The following ALDH1L1 variants were observed in gnomAD, a reference collection of about 807,000 sequenced individuals.
ALDH1L1 encodes the protein cytosolic 10-formyltetrahydrofolate dehydrogenase.
In ALDH1L1, 68 loss-of-function variants were observed where a neutral mutation model predicts 101.1. That is an observed-to-expected ratio of 0.67 (90% CI 0.55 to 0.82). The LOEUF is 0.82. ALDH1L1 is among the 40% of genes least tolerant of loss of function. The probability of loss-of-function intolerance (pLI) is 0.00; values close to 1 mark genes in which losing one functional copy is unlikely to be tolerated. For missense variants in ALDH1L1, 1,087 were observed against 1,172.7 expected (o/e 0.93, Z 1.07); for synonymous variants, 486 against 470.8 (o/e 1.03, Z -0.42).
Position 126,131,442 on chromosome 3 carries a change from T to A in ALDH1L1, c.1565A>T (p.His522Leu). 1 of 1,613,372 alleles carries A rather than the reference T, an allele frequency of 6.2e-7. No individual in the cohort carries two copies. Among genetic ancestry groups the A allele is most frequent in the Non-Finnish European group, 8.5e-7 (1 of 1,179,378 alleles). The change falls in exon 13 of 23, where the codon CAC becomes CTC. Residue 522 changes from histidine to leucine, a missense_variant. His to Leu is a moderately conservative substitution (Grantham distance 99). This residue lies in a region of ALDH1L1 where 442 missense variants were observed against 535.7 expected (regional missense o/e 0.83). Coordinates refer to ENST00000393434, the MANE Select transcript of ALDH1L1 (RefSeq NM_012190.4). ...GAAGGTCTGGATGGACATGCCCACG[T>A]GGGTCTTCAGGGCCAGCGTGTAGAC... ...GAVYTLALKT[H>L]VGMSIQTFRY...
intron 22 of ALDH1L1, chr3:126,105,272 C>A: frequency 3.7e-6 from 1 of 272,004 alleles, no homozygotes; most frequent in Admixed American, 4.6e-5. Flanking sequence ...CCCTACCTGC[C>A]TCTCAGGCCT....
intron 1 of ALDH1L1, among the ~76,000 whole-genome samples, chr3:126,163,198 T>C (rs1342263508): frequency 6.6e-6 from 1 of 152,220 alleles, no homozygotes; most frequent in Non-Finnish European, 1.5e-5. Context: ...ATACCTTCTT[T>C]GGAGCAATGT....
At chr3:126,136,115 TC>T (rs1361144560) in intron 11 of ALDH1L1, among the ~76,000 whole-genome samples, 1 of 152,190 alleles carries the variant, frequency 6.6e-6, no homozygotes, top group Non-Finnish European at 1.5e-5. Flanking sequence ...CCTGTCTGTG[TC>T]CCTACCCCCT....
At chr3:126,125,242 C>T (rs1222195409) in intron 15 of ALDH1L1, among the ~76,000 whole-genome samples, 1 of 152,202 alleles carries the variant, frequency 6.6e-6, no homozygotes, top group Non-Finnish European at 1.5e-5. Flanking sequence ...GTCTCGGAAG[C>T]CACATAAGGG....
chr3:126,155,229 C>T (rs1405197547), intron 5 of ALDH1L1, among the ~76,000 whole-genome samples, 173 bp downstream of exon 5: 1 of 152,184 alleles, frequency 6.6e-6, no homozygotes, highest in South Asian at 2.1e-4. Context: ...GTGCCAGGGT[C>T]CTCCTCCTCC....
chr3:126,182,564 C>T (rs2081486287), upstream of ALDH1L1, among the ~76,000 whole-genome samples: 1 of 152,162 alleles, frequency 6.6e-6, no homozygotes, highest in South Asian at 2.1e-4. Flanking sequence ...TGAATGCATG[C>T]CCTGTGTGTG....
intron 8 of ALDH1L1, among the ~76,000 whole-genome samples, chr3:126,150,199 A>G (rs888191620): frequency 1.3e-5 from 2 of 152,260 alleles, no homozygotes; most frequent in African/African-American, 4.8e-5. Flanking sequence ...TGAACTGGCC[A>G]GATCCCAGGG....
rs1208370541 is a variant in ALDH1L1 at position 126,151,449 on chromosome 3, T to C, written c.859-918A>G. On this transcript the variant is annotated intron_variant, in intron 7 of 22. Transcript: ENST00000393434. ...TGCCAGACATGAACTGCCCCCATTG[T>C]AGCTCATGACTCTGGGCTACTCTAG... The C allele has an allele frequency of 2.0e-5, 3 of 152,240 alleles. No individual in the cohort carries two copies. In the East Asian group the frequency reaches 5.8e-4, roughly 29 times the overall value. The allele number at this position is 152,240 out of a possible 1,614,324, so 9.4% of individuals were successfully genotyped here. A position where few individuals can be genotyped will look rare whatever the true frequency, so the allele number is the denominator to read the frequency against.
intron 15 of ALDH1L1, 95 bp downstream of exon 15, chr3:126,125,521 T>C (rs2080163679): frequency 5.0e-6 from 5 of 992,482 alleles, no homozygotes; most frequent in African/African-American, 1.7e-5. Context: ...AGTGCCCGTG[T>C]GGCCAAGAGA....
intron 10 of ALDH1L1, 111 bp downstream of exon 10, chr3:126,137,702 T>C: frequency 6.9e-7 from 1 of 1,451,392 alleles, no homozygotes; most frequent in Non-Finnish European, 9.2e-7. Flanking sequence ...GGTGGGCTCC[T>C]GGGGCCCTGG....
intron 1 of ALDH1L1, 39 bp downstream of exon 1, chr3:126,180,437 C>T (rs1403291628): frequency 7.1e-6 from 7 of 988,212 alleles, no homozygotes; most frequent in Non-Finnish European, 8.4e-6. Flanking sequence ...GCCTCCTTTC[C>T]GCCGGGAGTC....
intron 1 of ALDH1L1, among the ~76,000 whole-genome samples, chr3:126,174,599 T>A (rs555220018): frequency 6.6e-6 from 1 of 152,052 alleles, no homozygotes; most frequent in African/African-American, 2.4e-5. Flanking sequence ...CAGAAAGATA[T>A]CTGAAAAACA....
chr3:126,163,752 C>T (rs1298117560), intron 1 of ALDH1L1, among the ~76,000 whole-genome samples: 2 of 152,164 alleles, frequency 1.3e-5, no homozygotes, highest in African/African-American at 4.8e-5. Flanking sequence ...GGAATGAATA[C>T]CACTTGACCA....
rs1459644229 is a variant in ALDH1L1 at position 126,110,328 on chromosome 3, CCAG to C, written c.2182-222_2182-220del. On this transcript the variant is annotated intron_variant, in intron 19 of 22. Transcript: ENST00000393434. ...CAGAAGTCTCCAAGGAGACAGGAGC[CCAG>C]CAACATATGGGCTGGAAATGGAGAC... The C allele has an allele frequency of 6.6e-6, 4 of 601,602 alleles. No individual in the cohort carries two copies. In the African/African-American group the frequency reaches 7.4e-5, roughly 11 times the overall value. The allele number at this position is 601,602 out of a possible 1,614,324, so 37.3% of individuals were successfully genotyped here.
intron 17 of ALDH1L1, among the ~76,000 whole-genome samples, chr3:126,115,662 C>A (rs953650000): frequency 3.3e-5 from 5 of 152,098 alleles, no homozygotes; most frequent in African/African-American, 1.2e-4. Context: ...GCAACCTCCA[C>A]CTCCCGGGTT....
chr3:126,139,083 G>A (rs1180788860), intron 9 of ALDH1L1, among the ~76,000 whole-genome samples: 1 of 152,214 alleles, frequency 6.6e-6, no homozygotes, highest in Non-Finnish European at 1.5e-5. Flanking sequence ...AGCCAGGGTG[G>A]GCAATAAGGA....
At chr3:126,154,765 C>T (rs2080872459) in intron 5 of ALDH1L1, 122 bp from the exon 6 acceptor site, 3 of 818,606 alleles carry the variant, frequency 3.7e-6, no homozygotes, top group Non-Finnish European at 6.0e-6. Flanking sequence ...TCCTCTTAGA[C>T]ACTTGCAGGA....
At chr3:126,161,561 G>A (rs1176073728) in intron 1 of ALDH1L1, among the ~76,000 whole-genome samples, 1 of 152,214 alleles carries the variant, frequency 6.6e-6, no homozygotes, top group African/African-American at 2.4e-5. Context: ...GTGGAAAGTG[G>A]AATGGGATTC....
chr3:126,125,865 G>A, intron 14 of ALDH1L1, 144 bp from the exon 15 acceptor site: 1 of 531,592 alleles, frequency 1.9e-6, no homozygotes, highest in East Asian at 3.4e-5. Flanking sequence ...CCCTCTGAGA[G>A]GCAGCTCACG....
Sources: allele counts gnomAD v4.1 joint callset (sites outside exome capture counted in the v4.1 genomes callset), GRCh38; gene constraint gnomAD v4.1.1; regional missense constraint gnomAD v4.1.1; transcripts MANE v1.5; gene names NCBI Gene and HGNC (gene_info 2026-07-23, HGNC 2026-07-21).